EDA: variants seen among roughly 807,000 people sequenced by gnomAD.
EDA encodes the protein ectodysplasin A.
Under a neutral mutation model 23.6 loss-of-function variants are expected in EDA, and 2 were observed. The observed-to-expected ratio is 0.08, with a 90% CI of 0.03 to 0.27. The LOEUF (loss-of-function observed/expected upper bound fraction) is 0.27. EDA is among the 10% of genes least tolerant of loss of function. The probability of loss-of-function intolerance (pLI) is 1.00; values close to 1 mark genes in which losing one functional copy is unlikely to be tolerated. For missense variants in EDA, 229 were observed against 324.2 expected (o/e 0.71, Z 2.26); for synonymous variants, 131 against 132.0 (o/e 0.99, Z 0.05).
At chrX:69,876,507 T>C (rs2017648542) in intron 1 of EDA, among the ~76,000 whole-genome samples, 1 of 111,779 alleles carries the variant, frequency 8.9e-6, no homozygotes, top group East Asian at 2.8e-4. Flanking sequence ...TTTGGGCAAA[T>C]ACATACAGCC....
intron 1 of EDA, among the ~76,000 whole-genome samples, chrX:69,692,719 GGT>G (rs1934748382): frequency 9.0e-6 from 1 of 111,640 alleles, no homozygotes; most frequent in Admixed American, 9.5e-5. Context: ...GACTCACTTG[GGT>G]GTTGTAACAG....
intron 1 of EDA, among the ~76,000 whole-genome samples, chrX:69,702,051 A>T (rs2011548294): frequency 9.0e-6 from 1 of 111,530 alleles, no homozygotes; most frequent in African/African-American, 3.3e-5. Flanking sequence ...GAGGTACTGA[A>T]ACTCTAATAT....
chrX:69,941,948 C>G (rs1396297261), intron 1 of EDA, among the ~76,000 whole-genome samples: 1 of 110,439 alleles, frequency 9.1e-6, no homozygotes, highest in Non-Finnish European at 1.9e-5. Flanking sequence ...ATCTGTTGTA[C>G]TTTTTTATTT....
intron 2 of EDA, among the ~76,000 whole-genome samples, chrX:69,978,342 A>AC (rs898741762): frequency 2.3e-4 from 20 of 86,011 alleles, no homozygotes; most frequent in Non-Finnish European, 3.8e-4. Context: ...AAAAAAAAAA[A>AC]AAAAAAAAAA....
intron 1 of EDA, among the ~76,000 whole-genome samples, chrX:69,859,295 G>T (rs1221461881): frequency 9.0e-6 from 1 of 110,735 alleles, no homozygotes; most frequent in African/African-American, 3.3e-5. Flanking sequence ...GTTTGTTCTT[G>T]ATTCTCAAGT....
intron 1 of EDA, among the ~76,000 whole-genome samples, chrX:69,685,887 T>C (rs1017244182): frequency 1.8e-5 from 2 of 113,050 alleles, no homozygotes; most frequent in African/African-American, 3.2e-5. Flanking sequence ...AATTTACTAA[T>C]TGATTTAAAA....
intron 1 of EDA, among the ~76,000 whole-genome samples, chrX:69,785,031 G>T (rs1348958036): frequency 6.5e-5 from 7 of 108,467 alleles, no homozygotes; most frequent in Non-Finnish European, 1.3e-4. Context: ...TGGATTCCTA[G>T]GTATTTTATT....
chrX:69,921,185 A>G (rs1397763700), intron 1 of EDA, among the ~76,000 whole-genome samples: 4 of 110,341 alleles, frequency 3.6e-5, no homozygotes, highest in African/African-American at 1.3e-4. Flanking sequence ...ACAGGTTCAT[A>G]TGTATATTTC....
intron 1 of EDA, among the ~76,000 whole-genome samples, chrX:69,746,213 C>T (rs1424796476): frequency 9.0e-6 from 1 of 111,206 alleles, no homozygotes; most frequent in Non-Finnish European, 1.9e-5. Context: ...AGCTGCCTCT[C>T]CTTTATGTGA....
intron 1 of EDA, among the ~76,000 whole-genome samples, chrX:69,832,553 GT>G (rs750228994): frequency 9.0e-6 from 1 of 111,228 alleles, no homozygotes; most frequent in Non-Finnish European, 1.9e-5. Flanking sequence ...ATTTAAAGTA[GT>G]TTTTTTTCCA....
At chrX:69,979,446 G>T (rs754251550) in intron 2 of EDA, among the ~76,000 whole-genome samples, 1 of 111,926 alleles carries the variant, frequency 8.9e-6, no homozygotes, top group Non-Finnish European at 1.9e-5. Context: ...TTAACTTTGT[G>T]TCAGCTTTTT....
At chrX:69,918,287 G>T (rs1047644153) in intron 1 of EDA, among the ~76,000 whole-genome samples, 1 of 108,503 alleles carries the variant, frequency 9.2e-6, no homozygotes, top group Admixed American at 9.9e-5. Context: ...CTCCCAAGTA[G>T]CTGGGACCAT....
chrX:69,746,064 T>G (rs1482502454), intron 1 of EDA, among the ~76,000 whole-genome samples: 1 of 111,191 alleles, frequency 9.0e-6, no homozygotes, highest in Non-Finnish European at 1.9e-5. Context: ...CTTCCCCTCC[T>G]CTCCCTCTTC....
intron 1 of EDA, among the ~76,000 whole-genome samples, chrX:69,738,563 G>T (rs1235177654): frequency 9.4e-6 from 1 of 106,483 alleles, no homozygotes; most frequent in Non-Finnish European, 1.9e-5. Context: ...GCTCTTTTTA[G>T]AGTGTCTTAA....
chrX:69,722,209 A>T (rs1377265017), intron 1 of EDA, among the ~76,000 whole-genome samples: 3 of 104,171 alleles, frequency 2.9e-5, no homozygotes, highest in Admixed American at 2.1e-4. Flanking sequence ...TTTTATTTTT[A>T]TTTATTTATT....
chrX:69,761,154 A>G, intron 1 of EDA, among the ~76,000 whole-genome samples: 1 of 111,047 alleles, frequency 9.0e-6, no homozygotes. Context: ...AAGATGTACA[A>G]GGTCATTGCT....
At chrX:70,007,482 C>T (rs1435090452) in intron 2 of EDA, among the ~76,000 whole-genome samples, 1 of 111,656 alleles carries the variant, frequency 9.0e-6, no homozygotes, top group Non-Finnish European at 1.9e-5. Flanking sequence ...GCTCGGCACT[C>T]CTTTCGCCTG....
At chrX:69,917,769 A>G (rs745710899) in intron 1 of EDA, among the ~76,000 whole-genome samples, 3 of 111,309 alleles carry the variant, frequency 2.7e-5, no homozygotes, top group African/African-American at 9.8e-5. Flanking sequence ...AATATTGTTA[A>G]TATAATATGT....
intron 2 of EDA, among the ~76,000 whole-genome samples, chrX:69,978,100 T>C (rs1188380616): frequency 9.1e-6 from 1 of 109,905 alleles, no homozygotes; most frequent in Non-Finnish European, 1.9e-5. Context: ...TCATCAAAAA[T>C]GCCAGCTTTT....
Sources: allele counts gnomAD v4.1 joint callset (sites outside exome capture counted in the v4.1 genomes callset), GRCh38; gene constraint gnomAD v4.1.1; transcripts MANE v1.5; gene names NCBI Gene and HGNC (gene_info 2026-07-23, HGNC 2026-07-21).